The following COQ2 variants were observed in gnomAD, a reference collection of about 807,000 sequenced individuals.
The protein encoded by COQ2 is 4-hydroxybenzoate polyprenyltransferase, mitochondrial.
Under a neutral mutation model 35.7 loss-of-function variants are expected in COQ2, and 25 were observed. That is an observed-to-expected ratio of 0.70 (90% CI 0.51 to 0.98). The LOEUF is 0.98. Ranked by LOEUF, COQ2 falls within the 50% of genes least tolerant of loss-of-function variation. The pLI is 0.00. For synonymous variants in COQ2, 206 were observed against 186.2 expected (o/e 1.11, Z -0.86); for missense variants, 488 against 473.5 (o/e 1.03, Z -0.28).
At chr4:83,282,700 C>T (rs1381045746) in intron 1 of COQ2, 2 of 167,328 alleles carry the variant, frequency 1.2e-5, no homozygotes, top group East Asian at 1.9e-4. Flanking sequence ...TTTTCGTGAC[C>T]TCATAACGTC....
In COQ2 at chr4:83,279,332, A is replaced by AAC. The variant is rs145206031; in HGVS notation, c.254-220_254-219dup. 0.023 allele frequency among the ~76,000 whole-genome samples: 3,526 copies of AAC among 152,272 alleles called. 140 individuals carry two copies. The highest frequency in any genetic ancestry group is 0.079 in the African/African-American group (3,299 of 41,534). On this transcript the variant is annotated intron_variant, in intron 1 of 6. Coordinates refer to ENST00000647002, the MANE Select transcript of COQ2 (RefSeq NM_001358921.2). ...TCAACAGTCCAATTAAAAAAGACAA[A>AAC]ACATAATAAAAATTCACATAAAAAG...
chr4:83,283,222 T>A (rs965107447), intron 1 of COQ2: 1 of 968,880 alleles, frequency 1.0e-6, no homozygotes, highest in Non-Finnish European at 1.2e-6. Context: ...CTAATTCGGG[T>A]CTTGTACGGG....
intron 2 of COQ2, among the ~76,000 whole-genome samples, chr4:83,273,979 AC>A (rs1326342391): frequency 1.6e-5 from 2 of 128,680 alleles, no homozygotes; most frequent in Admixed American, 1.5e-4. Context: ...CGCTGTCTCT[AC>A]AAAAAAAAAA....
chr4:83,272,435 A>G (rs182857249), intron 3 of COQ2, among the ~76,000 whole-genome samples: 45 of 152,346 alleles, frequency 3.0e-4, no homozygotes, highest in African/African-American at 9.1e-4. Context: ...ATTCTAAGTG[A>G]ATCACACTTG....
Position 83,264,042 on chromosome 4 carries a change from G to C in COQ2, c.*157C>G. ...GAGTCCCTGGTTTCTGTGACAAGGGGGAATTTTGCTAGCAAATAAGTAAAA... is the reference window on the plus strand; with the variant it reads ...GAGTCCCTGGTTTCTGTGACAAGGGCGAATTTTGCTAGCAAATAAGTAAAA... On this transcript the variant is annotated 3_prime_UTR_variant, in exon 7 of 7. Coordinates refer to ENST00000647002, the MANE Select transcript of COQ2 (RefSeq NM_001358921.2). 1.9e-6 allele frequency: 1 copy of C among 536,392 alleles called. No individual in the cohort carries two copies. The highest frequency in any genetic ancestry group is 3.1e-6 in the Non-Finnish European group (1 of 325,690). The allele number at this position is 536,392 out of a possible 1,614,324, so 33.2% of individuals were successfully genotyped here. A position where few individuals can be genotyped will look rare whatever the true frequency, so the allele number is the denominator to read the frequency against.
intron 2 of COQ2, among the ~76,000 whole-genome samples, chr4:83,277,319 C>G (rs916656326): frequency 3.3e-5 from 5 of 152,348 alleles, no homozygotes; most frequent in Non-Finnish European, 5.9e-5. Flanking sequence ...CAGCCACACA[C>G]AGACCATGTA....
At chr4:83,268,614 G>A (rs571790846) in intron 5 of COQ2, among the ~76,000 whole-genome samples, 1 of 152,332 alleles carries the variant, frequency 6.6e-6, no homozygotes, top group South Asian at 2.1e-4. Context: ...AAGTGCCAAT[G>A]AGTATGTGGT....
Position 83,267,448 on chromosome 4 carries a change from G to A in COQ2, c.951+138C>T, listed in dbSNP as rs191370176. 904 of 676,190 alleles carry A rather than the reference G, an allele frequency of 1.3e-3. 3 individuals carry two copies. Among genetic ancestry groups the A allele is most frequent in the Admixed American group, 3.3e-3 (97 of 29,170 alleles). 41.9% of individuals were successfully genotyped at this position (676,190 alleles called of 1,614,324 possible). ...TATAAGTTGAGGCCGGAGGGCAGGGGGGTCTGTTAAAGGTAGTAGAAGCCA... is the reference window on the plus strand; with the variant it reads ...TATAAGTTGAGGCCGGAGGGCAGGGAGGTCTGTTAAAGGTAGTAGAAGCCA... On this transcript the variant is annotated intron_variant, in intron 6 of 6. Coordinates refer to ENST00000647002, the MANE Select transcript of COQ2 (RefSeq NM_001358921.2).
At chr4:83,270,031 A>G in intron 4 of COQ2, 38 bp from the exon 5 acceptor site, 1 of 1,608,088 alleles carries the variant, frequency 6.2e-7, no homozygotes, top group Non-Finnish European at 8.5e-7. Context: ...GAAAGTCTGT[A>G]TGTACTTTAG....
At chr4:83,267,524 TTAAA>T in intron 6 of COQ2, 58 bp downstream of exon 6, 10 of 1,439,694 alleles carry the variant, frequency 6.9e-6, no homozygotes, top group East Asian at 2.5e-5. Flanking sequence ...GGCATACTGT[TTAAA>T]TAATTTTTAT....
intron 2 of COQ2, among the ~76,000 whole-genome samples, chr4:83,278,103 A>G (rs1302184340): frequency 2.0e-5 from 3 of 152,178 alleles, no homozygotes; most frequent in Non-Finnish European, 4.4e-5. Context: ...AAGGTAAACT[A>G]GGATCGATTA....
At chr4:83,271,222 C>G (rs1271451308) in intron 4 of COQ2, among the ~76,000 whole-genome samples, 1 of 152,192 alleles carries the variant, frequency 6.6e-6, no homozygotes, top group Non-Finnish European at 1.5e-5. Context: ...AAGTGCTATG[C>G]TAAATGCTGG....
In COQ2 at chr4:83,284,496, G is replaced by A; in HGVS notation, c.253+16C>T. ...CTACTTGCAAATTCCCGGGCTGCCC[G>A]CCCGCCCGCACTCACCAATGGGCTT... On this transcript the variant is annotated intron_variant, in intron 1 of 6. Coordinates refer to ENST00000647002, the MANE Select transcript of COQ2 (RefSeq NM_001358921.2). The A allele has an allele frequency of 6.4e-7, 1 of 1,554,446 alleles. No homozygotes were observed. Among genetic ancestry groups the A allele is most frequent in the Non-Finnish European group, 8.7e-7 (1 of 1,151,768 alleles).
At chr4:83,272,200 A>T in intron 3 of COQ2, 28 bp from the exon 4 acceptor site, 1 of 1,477,094 alleles carries the variant, frequency 6.8e-7, no homozygotes, top group Non-Finnish European at 9.4e-7. Flanking sequence ...CATTAAAGTG[A>T]TTATTACCAC....
chr4:83,284,450 G>A (rs925475974), intron 1 of COQ2, 62 bp downstream of exon 1: 1 of 1,503,484 alleles, frequency 6.7e-7, no homozygotes, highest in Non-Finnish European at 8.9e-7. Flanking sequence ...GGACAGCTCC[G>A]CGGAGCCGAC....
At chr4:83,284,462 C>A in intron 1 of COQ2, 50 bp downstream of exon 1, 2 of 1,519,886 alleles carry the variant, frequency 1.3e-6, no homozygotes, top group South Asian at 1.2e-5. Flanking sequence ...GGAGCCGACT[C>A]GGAGGCTGCT....
chr4:83,275,821 G>C (rs1401019719), intron 2 of COQ2, among the ~76,000 whole-genome samples: 5 of 151,634 alleles, frequency 3.3e-5, no homozygotes, highest in African/African-American at 1.2e-4. Context: ...CAAATGTTCA[G>C]TTATCTAAAC....
At chr4:83,281,566 A>T (rs1735322272) in intron 1 of COQ2, 1 of 152,198 alleles carries the variant, frequency 6.6e-6, no homozygotes, top group East Asian at 1.9e-4. Flanking sequence ...CTTAAGGCTT[A>T]AGTCTTTGTT....
At chr4:83,283,629 C>A in intron 1 of COQ2, 1 of 985,440 alleles carries the variant, frequency 1.0e-6, no homozygotes, top group Non-Finnish European at 1.2e-6. Context: ...TTTCCTAGCT[C>A]ACCAAATAGT....
Sources: gnomAD v4.1 joint callset for allele counts (sites outside exome capture counted in the v4.1 genomes callset) on GRCh38, gnomAD v4.1.1 for gene constraint, MANE v1.5 for transcripts, NCBI Gene and HGNC (gene_info 2026-07-23, HGNC 2026-07-21) for gene names.